RAPGEF1: variants seen among roughly 807,000 people sequenced by gnomAD.
The protein encoded by RAPGEF1 is Rap guanine nucleotide exchange factor 1, also known as CRK SH3-binding GNRP.
Under a neutral mutation model 143.3 loss-of-function variants are expected in RAPGEF1, and 33 were observed. That is an observed-to-expected ratio of 0.23 (90% CI 0.17 to 0.31). RAPGEF1 has a LOEUF of 0.31. Ranked by LOEUF, RAPGEF1 falls within the 10% of genes least tolerant of loss-of-function variation. The probability of loss-of-function intolerance (pLI) is 1.00; values close to 1 mark genes in which losing one functional copy is unlikely to be tolerated. For missense variants in RAPGEF1, 1,199 were observed against 1,645.4 expected, an observed-to-expected ratio of 0.73 and a Z score of 4.69; for synonymous variants, 629 against 676.5, an observed-to-expected ratio of 0.93 and a Z score of 1.09.
intron 12 of RAPGEF1, among the ~76,000 whole-genome samples, chr9:131,608,421 C>T (rs766736662): frequency 6.6e-6 from 1 of 152,196 alleles, no homozygotes; most frequent in African/African-American, 2.4e-5. Flanking sequence ...CTCACAGAAG[C>T]GTCTCAGTTT....
At chr9:131,649,200 A>ATTTTTTTTTTTTTTT (rs55813422) in intron 3 of RAPGEF1, among the ~76,000 whole-genome samples, 2 of 87,236 alleles carry the variant, frequency 2.3e-5, no homozygotes, top group Non-Finnish European at 4.2e-5. Flanking sequence ...GCCTGGCTAA[A>ATTTTTTTTTTTTTTT]TTTTTTTTTT....
chr9:131,640,150 C>G (rs1008528227), intron 4 of RAPGEF1, among the ~76,000 whole-genome samples: 1 of 152,224 alleles, frequency 6.6e-6, no homozygotes, highest in African/African-American at 2.4e-5. Flanking sequence ...AAAACAAAGA[C>G]CCTGCAGTCT....
intron 1 of RAPGEF1, among the ~76,000 whole-genome samples, chr9:131,703,320 G>A (rs1834804959): frequency 6.6e-6 from 1 of 152,146 alleles, no homozygotes; most frequent in Non-Finnish European, 1.5e-5. Flanking sequence ...TTTAGGCTTA[G>A]CCACTCAACA....
At chr9:131,703,307 T>G (rs1277159826) in intron 1 of RAPGEF1, among the ~76,000 whole-genome samples, 1 of 152,254 alleles carries the variant, frequency 6.6e-6, no homozygotes, top group Non-Finnish European at 1.5e-5. Flanking sequence ...GTCATTTATG[T>G]CTTTTAGGCT....
chr9:131,601,552 G>C (rs910409209), intron 15 of RAPGEF1, among the ~76,000 whole-genome samples: 6 of 152,152 alleles, frequency 3.9e-5, no homozygotes, highest in African/African-American at 1.4e-4. Flanking sequence ...TTGCTTTCTT[G>C]CAGTTTTCTA....
At chr9:131,701,009 C>T (rs1478481108) in intron 1 of RAPGEF1, among the ~76,000 whole-genome samples, 2 of 152,110 alleles carry the variant, frequency 1.3e-5, no homozygotes, top group Non-Finnish European at 2.9e-5. Flanking sequence ...TGGAGGCAAA[C>T]TTCTCGGTAG....
At chr9:131,586,695 AAC>A (rs1173427950) in intron 22 of RAPGEF1, among the ~76,000 whole-genome samples, 4 of 73,996 alleles carry the variant, frequency 5.4e-5, no homozygotes, top group Admixed American at 1.4e-4. Context: ...CTCCGTCTCA[AAC>A]ACACACACAC....
intron 4 of RAPGEF1, among the ~76,000 whole-genome samples, chr9:131,639,858 C>T (rs543083173): frequency 1.3e-5 from 2 of 151,996 alleles, no homozygotes; most frequent in Non-Finnish European, 2.9e-5. Flanking sequence ...AAATGTGAAC[C>T]AAATAGTGCT....
chr9:131,729,109 C>T (rs979712968), intron 1 of RAPGEF1, among the ~76,000 whole-genome samples: 1 of 152,210 alleles, frequency 6.6e-6, no homozygotes, highest in African/African-American at 2.4e-5. Flanking sequence ...TGGGGAGGGG[C>T]ACTGATCCAG....
intron 1 of RAPGEF1, among the ~76,000 whole-genome samples, chr9:131,669,061 G>C (rs987011772): frequency 2.6e-5 from 4 of 152,226 alleles, no homozygotes; most frequent in African/African-American, 9.6e-5. Flanking sequence ...AGCCAGTCTG[G>C]GGGCAGGAAG....
At chr9:131,580,068 A>G (rs940522128) in intron 26 of RAPGEF1, among the ~76,000 whole-genome samples, 195 bp downstream of exon 26, 7 of 152,232 alleles carry the variant, frequency 4.6e-5, no homozygotes, top group Non-Finnish European at 8.8e-5. Context: ...GGGCCAGGCT[A>G]GGCCTGGCAT....
At chr9:131,661,011 T>G (rs1973906773) in intron 1 of RAPGEF1, among the ~76,000 whole-genome samples, 1 of 152,174 alleles carries the variant, frequency 6.6e-6, no homozygotes, top group African/African-American at 2.4e-5. Flanking sequence ...ACCACAAACA[T>G]GCCTGAATAG....
At chr9:131,601,919 A>G (rs1564494631) in intron 15 of RAPGEF1, 142 bp downstream of exon 15, 2 of 644,158 alleles carry the variant, frequency 3.1e-6, no homozygotes, top group Non-Finnish European at 5.3e-6. Flanking sequence ...AAAAACAAAA[A>G]AAGGAAATAA....
intron 1 of RAPGEF1, among the ~76,000 whole-genome samples, chr9:131,699,520 A>C (rs1834470561): frequency 6.6e-6 from 1 of 152,194 alleles, no homozygotes; most frequent in Admixed American, 6.5e-5. Flanking sequence ...CTGGGATTAC[A>C]GGCATGAGGC....
intron 1 of RAPGEF1, among the ~76,000 whole-genome samples, chr9:131,731,399 A>G (rs1353371264): frequency 6.6e-6 from 1 of 152,256 alleles, no homozygotes; most frequent in Non-Finnish European, 1.5e-5. Context: ...GGATGGGCGC[A>G]TGTGATAACC....
At chr9:131,625,801 G>T in intron 10 of RAPGEF1, 121 bp downstream of exon 10, 1 of 1,335,686 alleles carries the variant, frequency 7.5e-7, no homozygotes. Context: ...ATACCTGGCT[G>T]GCCTATCTTT....
intron 5 of RAPGEF1, among the ~76,000 whole-genome samples, chr9:131,634,291 C>A (rs769577931): frequency 1.3e-5 from 2 of 152,026 alleles, no homozygotes; most frequent in South Asian, 4.2e-4. Context: ...GAGTCTATGT[C>A]TACAGCAGTG....
chr9:131,724,079 AAC>A (rs1332463477), intron 1 of RAPGEF1, among the ~76,000 whole-genome samples: 2 of 152,224 alleles, frequency 1.3e-5, no homozygotes, highest in African/African-American at 4.8e-5. Flanking sequence ...ACCAGTGAAA[AAC>A]ACAGGTTTCA....
chr9:131,651,062 G>A, intron 1 of RAPGEF1, 113 bp from the exon 2 acceptor site: 1 of 1,321,616 alleles, frequency 7.6e-7, no homozygotes, highest in Non-Finnish European at 1.0e-6. Context: ...CTTGGCTGTT[G>A]AGAGTTTCAA....
Sources: allele counts gnomAD v4.1 joint callset (sites outside exome capture counted in the v4.1 genomes callset), GRCh38; gene constraint gnomAD v4.1.1; transcripts MANE v1.5; gene names NCBI Gene and HGNC (gene_info 2026-07-23, HGNC 2026-07-21).